CTDSPL: variants seen among roughly 807,000 people sequenced by gnomAD.
CTDSPL encodes CTD small phosphatase-like protein.
A neutral mutation model predicts 30.5 loss-of-function variants in CTDSPL; 8 were observed. The ratio of observed to expected loss-of-function variants is 0.26; its 90% CI spans 0.15 to 0.47. The LOEUF (loss-of-function observed/expected upper bound fraction) is 0.47. CTDSPL is among the 20% of genes least tolerant of loss of function. The pLI is 0.99. For synonymous variants in CTDSPL, 110 were observed against 137.9 expected, an observed-to-expected ratio of 0.80 and a Z score of 1.42; for missense variants, 248 against 366.1, an observed-to-expected ratio of 0.68 and a Z score of 2.63.
chr3:37,886,366 C>T (rs1435361000), intron 1 of CTDSPL, among the ~76,000 whole-genome samples: 1 of 152,142 alleles, frequency 6.6e-6, no homozygotes, highest in African/African-American at 2.4e-5. Context: ...GGGTCTCTGT[C>T]CCCTCACTAG....
chr3:37,930,845 C>CGGTGCTTGCTTCATGTATTTGG (rs1450105313), intron 1 of CTDSPL, among the ~76,000 whole-genome samples: 2 of 152,166 alleles, frequency 1.3e-5, no homozygotes, highest in Non-Finnish European at 2.9e-5. Flanking sequence ...TCATTTCTAT[C>CGGTGCTTGCTTCATGTATTTGG]GGTGCTTGCT....
At chr3:37,885,649 C>A (rs1479857741) in intron 1 of CTDSPL, among the ~76,000 whole-genome samples, 3 of 152,016 alleles carry the variant, frequency 2.0e-5, no homozygotes, top group Non-Finnish European at 4.4e-5. Context: ...GTACCAGAGA[C>A]TGGCAGGAAA....
intron 1 of CTDSPL, among the ~76,000 whole-genome samples, chr3:37,917,145 C>T (rs1240967868): frequency 6.6e-6 from 1 of 152,164 alleles, no homozygotes; most frequent in Non-Finnish European, 1.5e-5. Context: ...ATTTGTTCAG[C>T]AGACACTTAA....
At chr3:37,870,350 A>G (rs1290758410) in intron 1 of CTDSPL, among the ~76,000 whole-genome samples, 3 of 152,114 alleles carry the variant, frequency 2.0e-5, no homozygotes, top group Non-Finnish European at 2.9e-5. Flanking sequence ...GTATAGAGCT[A>G]TTCATAGCAT....
intron 1 of CTDSPL, among the ~76,000 whole-genome samples, chr3:37,878,271 C>G (rs78192244): frequency 0.063 from 9,653 of 152,054 alleles, 404 homozygotes; most frequent in Middle Eastern, 0.13. Context: ...TTTGTGAACC[C>G]AAGGTTACAA....
At chr3:37,882,690 C>T (rs1367979689) in intron 1 of CTDSPL, among the ~76,000 whole-genome samples, 1 of 152,136 alleles carries the variant, frequency 6.6e-6, no homozygotes, top group African/African-American at 2.4e-5. Context: ...TTACTGCCTT[C>T]ACATACAGAT....
chr3:37,945,780 G>T (rs1336614533), intron 1 of CTDSPL, among the ~76,000 whole-genome samples: 2 of 152,182 alleles, frequency 1.3e-5, no homozygotes, highest in Non-Finnish European at 2.9e-5. Context: ...CAAACCTAGG[G>T]TAGAAACCAT....
intron 1 of CTDSPL, among the ~76,000 whole-genome samples, chr3:37,891,559 G>T (rs1698325878): frequency 6.6e-6 from 1 of 152,200 alleles, no homozygotes; most frequent in South Asian, 2.1e-4. Flanking sequence ...GGAAACTGTT[G>T]TACTGAATTC....
chr3:37,906,372 C>G (rs571581967), intron 1 of CTDSPL, among the ~76,000 whole-genome samples: 1 of 152,316 alleles, frequency 6.6e-6, no homozygotes, highest in Admixed American at 6.5e-5. Context: ...GCGACTGTTA[C>G]TGGTCCCAGA....
chr3:37,874,853 G>C (rs1266404781), intron 1 of CTDSPL, among the ~76,000 whole-genome samples: 1 of 152,150 alleles, frequency 6.6e-6, no homozygotes, highest in Non-Finnish European at 1.5e-5. Flanking sequence ...TATTGAAAAA[G>C]GGAGTGAAGG....
chr3:37,887,447 G>A (rs569767260), intron 1 of CTDSPL, among the ~76,000 whole-genome samples: 8 of 152,248 alleles, frequency 5.3e-5, no homozygotes, highest in Middle Eastern at 3.4e-3. Context: ...AGTGATGAGG[G>A]CAAGGCTCTG....
Position 37,862,352 on chromosome 3 carries a change from G to T in CTDSPL, c.79+74G>T. The T allele has an allele frequency of 2.4e-6, 3 of 1,269,530 alleles. No individual in the cohort carries two copies. Among genetic ancestry groups the T allele is most frequent in the Non-Finnish European group, 2.0e-6 (2 of 978,258 alleles). The allele number at this position is 1,269,530 out of a possible 1,614,324, so 78.6% of individuals were successfully genotyped here. ...GCGCCGCTGGAGTTCACTGCCGGGCGCCGGCATGGGCCTGGGGGAGGGGTG... is the reference window on the plus strand; with the variant it reads ...GCGCCGCTGGAGTTCACTGCCGGGCTCCGGCATGGGCCTGGGGGAGGGGTG... On this transcript the variant is annotated intron_variant, in intron 1 of 7. Coordinates refer to ENST00000273179, the MANE Select transcript of CTDSPL (RefSeq NM_001008392.2). The surrounding 1 kb of genome is among the most constrained non-coding windows in gnomAD (Gnocchi z 4.3).
intron 1 of CTDSPL, among the ~76,000 whole-genome samples, chr3:37,916,176 G>A (rs73058921): frequency 0.019 from 2,903 of 152,254 alleles, 42 homozygotes; most frequent in Middle Eastern, 0.034. Context: ...ATCCCAGGCG[G>A]ACCTCTCTGG....
chr3:37,886,729 T>G (rs1698267566), intron 1 of CTDSPL, among the ~76,000 whole-genome samples: 1 of 152,206 alleles, frequency 6.6e-6, no homozygotes, highest in Non-Finnish European at 1.5e-5. Flanking sequence ...CATCTCTTCA[T>G]AGATTCCTGG....
chr3:37,889,888 T>C (rs1382471982), intron 1 of CTDSPL, among the ~76,000 whole-genome samples: 1 of 152,230 alleles, frequency 6.6e-6, no homozygotes, highest in African/African-American at 2.4e-5. Context: ...TAGAATTTTA[T>C]ATACAGTTGA....
chr3:37,977,692 A>T (rs933678503), intron 7 of CTDSPL, among the ~76,000 whole-genome samples: 1 of 151,552 alleles, frequency 6.6e-6, no homozygotes, highest in Admixed American at 6.6e-5. Context: ...GTTTGAGACC[A>T]GCCTGGGCAA....
At chr3:37,959,433 C>G (rs1699211745) in intron 3 of CTDSPL, among the ~76,000 whole-genome samples, 1 of 152,192 alleles carries the variant, frequency 6.6e-6, no homozygotes, top group East Asian at 1.9e-4. Flanking sequence ...GCCTTCTAGG[C>G]AGTACCACTT....
intron 1 of CTDSPL, among the ~76,000 whole-genome samples, chr3:37,892,982 C>T (rs1698345504): frequency 6.6e-6 from 1 of 152,216 alleles, no homozygotes. Context: ...AAGGCCCCCA[C>T]TTCCTCTGCA....
intron 3 of CTDSPL, 95 bp downstream of exon 3, chr3:37,957,238 CT>C: frequency 1.2e-6 from 1 of 800,976 alleles, no homozygotes; most frequent in Non-Finnish European, 2.0e-6. Context: ...AATGTTATTG[CT>C]TATGGTGAGT....
Sources: allele counts gnomAD v4.1 joint callset (sites outside exome capture counted in the v4.1 genomes callset), GRCh38; gene constraint gnomAD v4.1.1; non-coding constraint Gnocchi (gnomAD v3.1); transcripts MANE v1.5; gene names NCBI Gene and HGNC (gene_info 2026-07-23, HGNC 2026-07-21).